The following ADAMTSL1 variants were observed in gnomAD, a reference collection of about 807,000 sequenced individuals.
ADAMTSL1 encodes the protein ADAMTS like 1.
A neutral mutation model predicts 201.8 loss-of-function variants in ADAMTSL1; 126 were observed. That is an observed-to-expected ratio of 0.62 (90% CI 0.54 to 0.72). The LOEUF (loss-of-function observed/expected upper bound fraction) is 0.72. Ranked by LOEUF, ADAMTSL1 falls within the 30% of genes least tolerant of loss-of-function variation. The pLI, the probability that ADAMTSL1 is intolerant of heterozygous loss-of-function variation, is 0.00. For missense variants in ADAMTSL1, 2,679 were observed against 2,277.8 expected (o/e 1.18, Z -3.59); for synonymous variants, 1,121 against 903.4 (o/e 1.24, Z -4.32).
intron 1 of ADAMTSL1, among the ~76,000 whole-genome samples, chr9:18,110,550 G>C (rs758598751): frequency 6.6e-6 from 1 of 152,142 alleles, no homozygotes; most frequent in Non-Finnish European, 1.5e-5. Context: ...TCCTGAGCTT[G>C]AGGCTTTGAG....
At chr9:18,729,599 A>G (rs1243867075) in intron 15 of ADAMTSL1, among the ~76,000 whole-genome samples, 1 of 152,230 alleles carries the variant, frequency 6.6e-6, no homozygotes, top group Non-Finnish European at 1.5e-5. Context: ...GCTGCCCTTT[A>G]AGATAACTAG....
At chr9:18,332,541 C>T (rs542023343) in intron 2 of ADAMTSL1, among the ~76,000 whole-genome samples, 1 of 152,256 alleles carries the variant, frequency 6.6e-6, no homozygotes, top group South Asian at 2.1e-4. Flanking sequence ...GCCTTGACCT[C>T]TCAGGCTCCA....
intron 13 of ADAMTSL1, among the ~76,000 whole-genome samples, chr9:18,692,186 A>G (rs1365148802): frequency 6.6e-6 from 1 of 152,182 alleles, no homozygotes. Flanking sequence ...TAAGGGACAA[A>G]TCTTTATTTA....
chr9:17,957,020 T>A (rs1387778116), intron 1 of ADAMTSL1, among the ~76,000 whole-genome samples: 6 of 152,166 alleles, frequency 3.9e-5, no homozygotes, highest in Admixed American at 2.6e-4. Context: ...AGCTATCTCA[T>A]GATTCAGGAT....
At chr9:18,377,321 A>G (rs1336159088) in intron 2 of ADAMTSL1, among the ~76,000 whole-genome samples, 2 of 152,216 alleles carry the variant, frequency 1.3e-5, no homozygotes, top group African/African-American at 2.4e-5. Context: ...GTCTGGCTAT[A>G]GTAGGCACTC....
At position 18,135,040 on chromosome 9, in the gene ADAMTSL1, T is replaced by C. The variant is rs72699490; in HGVS notation, c.88-28822T>C. ...AGGGAATCAATACTGCCATTGCCTT[T>C]TCTTTTCTCATTGTTGATAATACCT... On this transcript the variant is annotated intron_variant, in intron 1 of 29. Transcript: ENST00000680146. 3.9e-3 allele frequency among the ~76,000 whole-genome samples: 598 copies of C among 152,284 alleles called. 1 individual carries two copies. Among genetic ancestry groups the C allele is most frequent in the Non-Finnish European group, 5.5e-3 (374 of 68,012 alleles).
Position 18,622,479 on chromosome 9 carries a change from T to C in ADAMTSL1, c.601+110T>C, listed in dbSNP as rs1280912356. The C allele has an allele frequency of 3.3e-5, 49 of 1,498,280 alleles. No homozygotes were observed. In the South Asian group the frequency reaches 3.9e-4, roughly 12 times the overall value. 92.8% of individuals were successfully genotyped at this position (1,498,280 alleles called of 1,614,324 possible). On this transcript the variant is annotated intron_variant, in intron 5 of 28. Coordinates refer to ENST00000380548, the MANE Select transcript of ADAMTSL1 (RefSeq NM_001040272.6). ...AACAACACCTCCACCAAAACGATAA[T>C]GAACCTGAAAATGTAGAAGGCTTCA... is the stretch of plus-strand genomic sequence containing the variant.
intron 2 of ADAMTSL1, among the ~76,000 whole-genome samples, chr9:18,247,274 C>G (rs1404992693): frequency 3.3e-5 from 5 of 152,052 alleles, no homozygotes; most frequent in Admixed American, 2.6e-4. Context: ...ATTTATGACA[C>G]TAATAAAATT....
chr9:18,259,140 G>T (rs1432415648), intron 2 of ADAMTSL1, among the ~76,000 whole-genome samples: 1 of 151,984 alleles, frequency 6.6e-6, no homozygotes, highest in Non-Finnish European at 1.5e-5. Context: ...CATTTCCTAG[G>T]CAATTTCTTA....
intron 16 of ADAMTSL1, among the ~76,000 whole-genome samples, chr9:18,759,171 A>G (rs1819930621): frequency 6.6e-6 from 1 of 152,178 alleles, no homozygotes; most frequent in Non-Finnish European, 1.5e-5. Flanking sequence ...CAATCTCTGG[A>G]TCCCTGCCTT....
chr9:18,213,330 C>T (rs1248401233), intron 2 of ADAMTSL1, among the ~76,000 whole-genome samples: 1 of 152,142 alleles, frequency 6.6e-6, no homozygotes, highest in East Asian at 1.9e-4. Context: ...GTGATGATAA[C>T]GGACATTTTC....
intron 2 of ADAMTSL1, among the ~76,000 whole-genome samples, chr9:18,519,338 G>T (rs1198824940): frequency 6.6e-6 from 1 of 152,188 alleles, no homozygotes. Flanking sequence ...TAAGAACCTA[G>T]TGTAGTGCTC....
In ADAMTSL1 at chr9:18,658,394, A is replaced by T. The variant is rs998935708; in HGVS notation, c.946+644A>T. On this transcript the variant is annotated intron_variant, in intron 8 of 28. Coordinates refer to ENST00000380548, the MANE Select transcript of ADAMTSL1 (RefSeq NM_001040272.6). The stretch of plus-strand genomic sequence containing the variant: ...CCATTCACTTACATATAAACTACTC[A>T]TGTGGTTGAAGTAAAGTCATCTATT... Among the ~76,000 whole-genome samples the T allele has an allele frequency of 2.0e-5, 3 of 152,206 alleles. No homozygotes were observed. The South Asian group carries it at 6.2e-4, about 32-fold the overall frequency.
chr9:18,085,231 G>A (rs992590708), intron 1 of ADAMTSL1, among the ~76,000 whole-genome samples: 3 of 152,096 alleles, frequency 2.0e-5, no homozygotes, highest in African/African-American at 7.2e-5. Flanking sequence ...GAGCAATAGA[G>A]GAACTAATGC....
intron 1 of ADAMTSL1, among the ~76,000 whole-genome samples, chr9:18,494,513 G>A (rs146989638): frequency 9.9e-5 from 15 of 152,188 alleles, no homozygotes; most frequent in African/African-American, 3.6e-4. Flanking sequence ...GGGAATCTAG[G>A]CACTATCAAG....
intron 1 of ADAMTSL1, among the ~76,000 whole-genome samples, chr9:17,989,987 G>A (rs1819086016): frequency 6.6e-6 from 1 of 150,560 alleles, no homozygotes; most frequent in South Asian, 2.1e-4. Context: ...AGAACAAGAA[G>A]TTCCTGAAGG....
In ADAMTSL1 at chr9:18,214,859, G is replaced by A. The variant is rs971144784; in HGVS notation, c.207+50878G>A. Among the ~76,000 whole-genome samples the A allele has an allele frequency of 1.1e-4, 17 of 152,150 alleles. No homozygotes were observed. In the South Asian group the frequency reaches 3.5e-3, roughly 32 times the overall value. Reference sequence around the variant, plus strand: ...ATAAATGTCATGCACTCTATAATGGGAAAGATTTACATGTATGTGACCCTG... The same window carrying A: ...ATAAATGTCATGCACTCTATAATGGAAAAGATTTACATGTATGTGACCCTG... On this transcript the variant is annotated intron_variant, in intron 2 of 29. Coordinates refer to the ADAMTSL1 transcript ENST00000680146.
intron 23 of ADAMTSL1, among the ~76,000 whole-genome samples, chr9:18,836,090 C>G (rs116847048): frequency 0.088 from 13,466 of 152,178 alleles, 815 homozygotes; most frequent in East Asian, 0.22. Flanking sequence ...AAACTGCTTT[C>G]CACAGCGGCT....
At chr9:18,044,793 A>C (rs1821588980) in intron 1 of ADAMTSL1, among the ~76,000 whole-genome samples, 1 of 152,170 alleles carries the variant, frequency 6.6e-6, no homozygotes, top group African/African-American at 2.4e-5. Flanking sequence ...GAAAGTTATC[A>C]GCAGAGTCAC....
Sources: allele counts gnomAD v4.1 joint callset (sites outside exome capture counted in the v4.1 genomes callset), GRCh38; gene constraint gnomAD v4.1.1; transcripts MANE v1.5; gene names NCBI Gene and HGNC (gene_info 2026-07-23, HGNC 2026-07-21).